RFX6: variants seen among roughly 807,000 people sequenced by gnomAD.
The protein encoded by RFX6 is DNA-binding protein RFX6.
RFX6 carries 50 observed loss-of-function variants against 110.8 expected under a neutral mutation model. That is an observed-to-expected ratio of 0.45 (90% CI 0.36 to 0.57). The LOEUF (loss-of-function observed/expected upper bound fraction) is 0.57, where lower values mean the gene tolerates loss of function less well. RFX6 is among the 20% of genes least tolerant of loss of function. The pLI is 0.00. For synonymous variants in RFX6, 383 were observed against 411.2 expected (o/e 0.93, Z 0.83); for missense variants, 990 against 1,127.0 (o/e 0.88, Z 1.74).
intron 6 of RFX6, among the ~76,000 whole-genome samples, chr6:116,909,066 A>T (rs973636339): frequency 1.3e-5 from 2 of 152,150 alleles, no homozygotes; most frequent in African/African-American, 4.8e-5. Flanking sequence ...GCTTGATAAA[A>T]GGTCACCTGT....
At chr6:116,892,198 A>G (rs1363576177) in intron 4 of RFX6, among the ~76,000 whole-genome samples, 1 of 152,166 alleles carries the variant, frequency 6.6e-6, no homozygotes, top group Non-Finnish European at 1.5e-5. Flanking sequence ...CTTCATCTCA[A>G]ATGACCTTGA....
chr6:116,920,639 C>T (rs1775574940), intron 12 of RFX6, among the ~76,000 whole-genome samples, 185 bp downstream of exon 12: 1 of 151,778 alleles, frequency 6.6e-6, no homozygotes, highest in African/African-American at 2.4e-5. Context: ...AAATGTTTCC[C>T]CACATTGTCA....
rs749331605 is a variant in RFX6, at chr6:116,925,506, C to T, written c.1732C>T (p.Arg578Cys). Residue 578 changes from arginine to cysteine, a missense_variant, in exon 16 of 19, where the codon CGT becomes TGT. This residue lies in a region of RFX6 where 438 missense variants were observed against 441.9 expected (regional missense o/e 0.99). Coordinates refer to ENST00000332958, the MANE Select transcript of RFX6 (RefSeq NM_173560.4). ...TCCGAGTTCATGCTTTCTGGCCAAC[C>T]GTAATAAAGGGAGCATGGTTTCCAG... ...ASPSSCFLAN[R>C]NKGSMVSSDA... The T allele has an allele frequency of 8.1e-6, 13 of 1,613,986 alleles. No homozygotes were observed. Among genetic ancestry groups the T allele is most frequent in the African/African-American group, 4.0e-5 (3 of 74,920 alleles).
chr6:116,894,152 C>A, intron 5 of RFX6, 88 bp downstream of exon 5: 1 of 825,300 alleles, frequency 1.2e-6, no homozygotes, highest in Non-Finnish European at 2.1e-6. Context: ...CTTAATTTTG[C>A]TTATCAAGAT....
intron 6 of RFX6, among the ~76,000 whole-genome samples, chr6:116,902,951 C>T (rs979560152): frequency 6.6e-6 from 1 of 151,972 alleles, no homozygotes; most frequent in African/African-American, 2.4e-5. Context: ...TCTGTAGGGT[C>T]CTTCTTGTTT....
chr6:116,929,009 AG>A (rs757232752), intron 18 of RFX6, 38 bp downstream of exon 18: 3 of 1,365,014 alleles, frequency 2.2e-6, no homozygotes, highest in South Asian at 2.3e-5. Flanking sequence ...CATTTTAAGA[AG>A]TTGTTAACCT....
At position 116,927,268 on chromosome 6, in the gene RFX6, A is replaced by G. The variant is rs369978036; in HGVS notation, c.2127A>G (p.Ala709=). Residue 709 remains alanine, a synonymous_variant, in exon 17 of 19, where the codon GCA becomes GCG. Transcript: ENST00000332958. ...CTAACTACCAGACTGTGTTTAGGGC[A>G]CAGCCCCACTCCACATCAGGACTCT... ...TSSNYQTVFR[A]QPHSTSGLYP... The G allele has an allele frequency of 1.1e-5, 18 of 1,614,104 alleles. No individual in the cohort carries two copies. In the African/African-American group the frequency reaches 2.0e-4, roughly 18 times the overall value.
chr6:116,919,419 C>T lies in RFX6; in HGVS notation c.1182+123C>T, dbSNP rs1775544712. 5.8e-6 allele frequency: 5 copies of T among 868,250 alleles called. No homozygotes were observed. The East Asian group carries it at 7.4e-5, about 13-fold the overall frequency. 53.8% of individuals were successfully genotyped at this position (868,250 alleles called of 1,614,324 possible). ...CTAAGTAGACAACAACTAAATGCAA[C>T]GTGAGACCCAGAAGTGAATGCTATG... On this transcript the variant is annotated intron_variant, in intron 11 of 18. Transcript: ENST00000332958.
At position 116,878,440 on chromosome 6, in the gene RFX6, G is replaced by A. The variant is rs531934045; in HGVS notation, c.380+488G>A. 2.5e-4 allele frequency among the ~76,000 whole-genome samples: 38 copies of A among 152,044 alleles called. 1 individual carries two copies. Among genetic ancestry groups the A allele is most frequent in the African/African-American group, 8.7e-4 (36 of 41,494 alleles). ...TGAGGTAGAAGACATAGAAAAAATC[G>A]GTTAAGATATCTATACTAACTTAAA... On this transcript the variant is annotated intron_variant, in intron 2 of 18. Transcript: ENST00000332958.
chr6:116,926,949 C>T, intron 16 of RFX6, 78 bp from the exon 17 acceptor site: 1 of 1,304,172 alleles, frequency 7.7e-7, no homozygotes, highest in Non-Finnish European at 1.1e-6. Context: ...ATTAATAAAT[C>T]TTTTGAATAT....
chr6:116,877,888 C>A lies in RFX6; in HGVS notation c.316C>A (p.Gln106Lys). 1 of 1,614,148 alleles carries A rather than the reference C, an allele frequency of 6.2e-7. No individual in the cohort carries two copies. Among genetic ancestry groups the A allele is most frequent in the East Asian group, 2.2e-5 (1 of 44,888 alleles). Residue 106 changes from glutamine to lysine, a missense_variant, in exon 2 of 19, where the codon CAG becomes AAG. Physicochemically the swap from Gln to Lys is moderately conservative, Grantham distance 53. Transcript: ENST00000332958. ...CAAAGCAGCGGATCAATACCTGTCT[C>A]AGAAGAAAACCATCACGCAGATTGT... is the stretch of plus-strand genomic sequence containing the variant. The part of the protein sequence containing the change: ...KTKAADQYLS[Q>K]KKTITQIVKD...
rs1364016225 is a variant in RFX6, at chr6:116,877,483, G to C, written c.208G>C (p.Gly70Arg). The C allele has an allele frequency of 6.4e-7, 1 of 1,559,238 alleles. No homozygotes were observed. The highest frequency in any genetic ancestry group is 1.9e-5 in the Admixed American group (1 of 52,208). ...GEKGEDPELP[G>R]AVKSEMHLNN... is the part of the protein sequence containing the mutation. ...GAAAGGCGAAGACCCGGAGCTGCCG[G>C]GGGCAGTGAAATCAGGTGAGTGCTC... The change falls in exon 1 of 19, where the codon GGG becomes CGG. Residue 70 changes from glycine (G) to arginine (R), a missense_variant. Transcript: ENST00000332958.
intron 17 of RFX6, among the ~76,000 whole-genome samples, chr6:116,927,771 G>T (rs1775781100): frequency 1.7e-5 from 2 of 119,686 alleles, no homozygotes; most frequent in Non-Finnish European, 3.3e-5. Context: ...TTGAGACAAG[G>T]TCTTATGCTG....
intron 4 of RFX6, among the ~76,000 whole-genome samples, chr6:116,885,259 G>A (rs7762388): frequency 0.099 from 15,055 of 152,000 alleles, 928 homozygotes; most frequent in African/African-American, 0.17. Flanking sequence ...CAGTAAAGTG[G>A]GTATACAATA....
rs146773792 is a variant in RFX6, at chr6:116,877,337, C to T, written c.62C>T (p.Ser21Phe). 6 of 1,612,878 alleles carry T rather than the reference C, an allele frequency of 3.7e-6. No individual in the cohort carries two copies. In the East Asian group the frequency reaches 8.9e-5, roughly 24 times the overall value. ...CAGGCGCAGCCTGCGCCCCAACTGTCCCCGGGGATCCAGGAAGACTGCTGT... is the reference window on the plus strand; with the variant it reads ...CAGGCGCAGCCTGCGCCCCAACTGTTCCCGGGGATCCAGGAAGACTGCTGT... ...FLQAQPAPQL[S>F]PGIQEDCCVQ... The change falls in exon 1 of 19, where the codon TCC becomes TTC. Residue 21 changes from serine to phenylalanine, a missense_variant. Ser to Phe is a radical substitution (Grantham distance 155, BLOSUM62 -2). This residue lies in a region of RFX6 where 175 missense variants were observed against 162.3 expected (regional missense o/e 1.08). Coordinates refer to ENST00000332958, the MANE Select transcript of RFX6 (RefSeq NM_173560.4).
intron 4 of RFX6, 90 bp downstream of exon 4, chr6:116,882,518 G>C: frequency 1.1e-6 from 1 of 892,940 alleles, no homozygotes; most frequent in African/African-American, 1.7e-5. Context: ...TCAGTACAAA[G>C]AGAACCAGGT....
At position 116,920,332 on chromosome 6, in the gene RFX6, A is replaced by T; in HGVS notation, c.1205A>T (p.Asp402Val). The T allele has an allele frequency of 1.2e-6, 2 of 1,612,202 alleles. No individual in the cohort carries two copies. The highest frequency in any genetic ancestry group is 1.7e-6 in the Non-Finnish European group (2 of 1,178,282). ...LAQIARPALF[D>V]QHVVNSMVSD... ...CAGATTGCCAGACCAGCTCTCTTTG[A>T]CCAGCATGTCGTTAATTCTATGGTG... Residue 402 changes from aspartate to valine, a missense_variant, in exon 12 of 19, where the codon GAC becomes GTC. Physicochemically the swap from Asp to Val is radical, Grantham distance 152. Coordinates refer to ENST00000332958, the MANE Select transcript of RFX6 (RefSeq NM_173560.4).
intron 15 of RFX6, 33 bp from the exon 16 acceptor site, chr6:116,925,420 T>C: frequency 6.8e-7 from 1 of 1,465,268 alleles, no homozygotes; most frequent in Non-Finnish European, 9.5e-7. Context: ...TGAGAAAAAA[T>C]CTCAAATTTC....
intron 11 of RFX6, among the ~76,000 whole-genome samples, chr6:116,919,806 G>C (rs1451939750): frequency 6.6e-6 from 1 of 152,108 alleles, no homozygotes; most frequent in African/African-American, 2.4e-5. Context: ...TAATTCATAA[G>C]TTAAGAATGA....
Sources: gnomAD v4.1 joint callset for allele counts (sites outside exome capture counted in the v4.1 genomes callset) on GRCh38, gnomAD v4.1.1 for gene constraint, gnomAD v4.1.1 regional missense constraint, MANE v1.5 for transcripts, NCBI Gene and HGNC (gene_info 2026-07-23, HGNC 2026-07-21) for gene names.